Variants in SBF2 observed in about 807,000 individuals in gnomAD.
SBF2 encodes the protein SET binding factor 2.
A neutral mutation model predicts 225.2 loss-of-function variants in SBF2; 112 were observed. That is an observed-to-expected ratio of 0.50 (90% CI 0.43 to 0.58). SBF2 has a LOEUF of 0.58. Ranked by LOEUF, SBF2 falls within the 20% of genes least tolerant of loss-of-function variation. The pLI is 0.00. For synonymous variants in SBF2, 763 were observed against 773.3 expected (o/e 0.99, Z 0.22); for missense variants, 1,996 against 2,206.2 (o/e 0.90, Z 1.91).
At chr11:10,100,829 T>C (rs796082220) in intron 2 of SBF2, among the ~76,000 whole-genome samples, 8 of 152,206 alleles carry the variant, frequency 5.3e-5, no homozygotes, top group African/African-American at 1.9e-4. Flanking sequence ...TGTGGAGGTG[T>C]CTGTAGCTCC....
rs1862168603 is a variant in SBF2, at chr11:9,906,969, G to A, written c.1861-10958C>T. Reference sequence around the variant, plus strand: ...AACATTCCAGTTTGATAAAACTCTGGAATCTCTAAAAAATGTTATATTTAA... The same window carrying A: ...AACATTCCAGTTTGATAAAACTCTGAAATCTCTAAAAAATGTTATATTTAA... On this transcript the variant is annotated intron_variant, in intron 16 of 39. Coordinates refer to ENST00000256190, the MANE Select transcript of SBF2 (RefSeq NM_030962.4). Among the ~76,000 whole-genome samples the A allele has an allele frequency of 1.3e-5, 2 of 151,994 alleles. 1 individual carries two copies. The highest frequency in any genetic ancestry group is 4.1e-4 in the South Asian group (2 of 4,820).
intron 2 of SBF2, among the ~76,000 whole-genome samples, chr11:10,145,460 G>C (rs189971999): frequency 6.9e-4 from 105 of 152,168 alleles, no homozygotes; most frequent in Non-Finnish European, 1.2e-3. Flanking sequence ...AAGGAAAGAA[G>C]AAAGAGGTAT....
intron 1 of SBF2, among the ~76,000 whole-genome samples, chr11:10,276,776 C>G (rs982231033): frequency 6.6e-6 from 1 of 152,048 alleles, no homozygotes; most frequent in African/African-American, 2.4e-5. Flanking sequence ...CTGATAGTCT[C>G]TGCTTGTAAA....
intron 21 of SBF2, among the ~76,000 whole-genome samples, chr11:9,851,274 A>G (rs924429407): frequency 1.3e-5 from 2 of 152,340 alleles, no homozygotes; most frequent in Non-Finnish European, 2.9e-5. Context: ...CCCAACTGTT[A>G]AAGGCAATGG....
intron 13 of SBF2, among the ~76,000 whole-genome samples, chr11:9,969,225 C>A (rs1867165893): frequency 6.6e-6 from 1 of 152,182 alleles, no homozygotes; most frequent in African/African-American, 2.4e-5. Context: ...GTGGACTTGA[C>A]CTTTAAAATG....
chr11:9,967,134 G>C (rs965117160), intron 14 of SBF2, among the ~76,000 whole-genome samples: 2 of 152,174 alleles, frequency 1.3e-5, no homozygotes, highest in African/African-American at 4.8e-5. Flanking sequence ...GACTTTGGGA[G>C]GCCGAGGAGG....
chr11:10,179,391 A>C (rs1565324686), intron 2 of SBF2, among the ~76,000 whole-genome samples: 3 of 148,640 alleles, frequency 2.0e-5, no homozygotes, highest in East Asian at 2.0e-4. Flanking sequence ...AAAAAACAAA[A>C]AAAAACAAAA....
intron 2 of SBF2, among the ~76,000 whole-genome samples, chr11:10,078,920 C>T (rs546092800): frequency 6.6e-6 from 1 of 152,258 alleles, no homozygotes; most frequent in East Asian, 1.9e-4. Flanking sequence ...CTGCAACTAG[C>T]ATTTAAGAAA....
At chr11:10,212,199 T>C (rs1482633505) in intron 1 of SBF2, among the ~76,000 whole-genome samples, 1 of 152,192 alleles carries the variant, frequency 6.6e-6, no homozygotes, top group Non-Finnish European at 1.5e-5. Flanking sequence ...ATTCCAGACA[T>C]GCAGTAAGAA....
chr11:9,817,789 G>A (rs940509680), intron 28 of SBF2, among the ~76,000 whole-genome samples: 3 of 151,234 alleles, frequency 2.0e-5, no homozygotes, highest in African/African-American at 7.3e-5. Flanking sequence ...CACCTGTATT[G>A]GGAGGCTGAA....
intron 1 of SBF2, among the ~76,000 whole-genome samples, chr11:10,236,389 G>A (rs1959076443): frequency 1.3e-5 from 2 of 152,160 alleles, no homozygotes. Flanking sequence ...CTTGGCTGCA[G>A]GAGTTCAAGC....
chr11:9,865,668 A>T (rs1858139106), intron 17 of SBF2, among the ~76,000 whole-genome samples: 1 of 132,218 alleles, frequency 7.6e-6, no homozygotes. Context: ...TCCAGCCTGG[A>T]TGACAGAGCA....
intron 13 of SBF2, among the ~76,000 whole-genome samples, chr11:9,972,672 G>A (rs1266165655): frequency 3.9e-5 from 6 of 152,048 alleles, no homozygotes; most frequent in Admixed American, 6.5e-5. Flanking sequence ...TAGTAGAGAC[G>A]GGGTTTCACT....
intron 29 of SBF2, among the ~76,000 whole-genome samples, chr11:9,816,262 G>C (rs1282809571): frequency 2.0e-5 from 3 of 152,160 alleles, no homozygotes; most frequent in Non-Finnish European, 4.4e-5. Context: ...TTAACAGTAA[G>C]AATAAAGTTG....
intron 2 of SBF2, among the ~76,000 whole-genome samples, chr11:10,061,589 A>T (rs932657922): frequency 5.3e-5 from 8 of 152,208 alleles, no homozygotes; most frequent in African/African-American, 1.9e-4. Flanking sequence ...CCCATTCACA[A>T]TTCCCACACA....
chr11:10,287,268 T>A (rs1963859198), intron 1 of SBF2, among the ~76,000 whole-genome samples: 1 of 152,184 alleles, frequency 6.6e-6, no homozygotes, highest in Non-Finnish European at 1.5e-5. Flanking sequence ...ATGAAAATGT[T>A]CCCTATCTAT....
intron 27 of SBF2, among the ~76,000 whole-genome samples, chr11:9,831,312 T>C (rs1312444541): frequency 2.0e-5 from 3 of 152,258 alleles, no homozygotes; most frequent in African/African-American, 7.2e-5. Context: ...TCTTATGTTC[T>C]AACATACCCA....
intron 13 of SBF2, among the ~76,000 whole-genome samples, chr11:9,981,806 T>C (rs1946969545): frequency 6.6e-6 from 1 of 152,194 alleles, no homozygotes; most frequent in African/African-American, 2.4e-5. Context: ...TTAGAAACAG[T>C]ATCGAATGTT....
chr11:9,969,032 A>G (rs1453552266), intron 13 of SBF2, among the ~76,000 whole-genome samples: 1 of 152,332 alleles, frequency 6.6e-6, no homozygotes, highest in East Asian at 1.9e-4. Flanking sequence ...ATTTTTTAAA[A>G]AATTCTAAAC....
Sources: gnomAD v4.1 joint callset for allele counts (sites outside exome capture counted in the v4.1 genomes callset) on GRCh38, gnomAD v4.1.1 for gene constraint, MANE v1.5 for transcripts, NCBI Gene and HGNC (gene_info 2026-07-23, HGNC 2026-07-21) for gene names.